The following MX1 variants were observed in gnomAD, a reference collection of about 807,000 sequenced individuals.
The protein encoded by MX1 is MX dynamin like GTPase 1.
A neutral mutation model predicts 66.4 loss-of-function variants in MX1; 66 were observed. The observed-to-expected ratio is 0.99, with a 90% CI of 0.82 to 1.22. MX1 has a LOEUF of 1.22. MX1 is among the 50% of genes most tolerant of loss of function. MX1 has a pLI of 0.00. For missense variants in MX1, 787 were observed against 834.3 expected (o/e 0.94, Z 0.70); for synonymous variants, 311 against 318.1 (o/e 0.98, Z 0.24).
At chr21:41,423,644 G>C (rs571215382), upstream of MX1, among the ~76,000 whole-genome samples, 139 of 152,230 alleles carry the variant, frequency 9.1e-4, no homozygotes, top group African/African-American at 3.3e-3. Context: ...CATCCAGCTC[G>C]TCCCGTCTCT....
At chr21:41,427,473 A>G (rs771369115) in intron 2 of MX1, among the ~76,000 whole-genome samples, 169 bp downstream of exon 2, 2 of 152,240 alleles carry the variant, frequency 1.3e-5, no homozygotes, top group East Asian at 1.9e-4. Context: ...ATGTATACCT[A>G]TGTAACAAAC....
At position 41,441,166 on chromosome 21, in the gene MX1, G is replaced by C; in HGVS notation, c.730+141G>C. The C allele has an allele frequency of 1.6e-6, 2 of 1,240,974 alleles. No individual in the cohort carries two copies. Among genetic ancestry groups the C allele is most frequent in the Non-Finnish European group, 2.2e-6 (2 of 917,658 alleles). The allele number at this position is 1,240,974 out of a possible 1,614,324, so 76.9% of individuals were successfully genotyped here. ...GGTGAGAATGGGGGAGCCCGCCTGT[G>C]CTCGGTGGTCTGCCAGTGGGCAAGC... On this transcript the variant is annotated intron_variant, in intron 9 of 16. Coordinates refer to ENST00000398598, the MANE Select transcript of MX1 (RefSeq NM_002462.5). The surrounding 1 kb of genome is among the most constrained non-coding windows in gnomAD (Gnocchi z 4.0).
intron 13 of MX1, among the ~76,000 whole-genome samples, chr21:41,448,901 A>T (rs944102816): frequency 6.8e-6 from 1 of 147,500 alleles, no homozygotes; most frequent in Non-Finnish European, 1.5e-5. Flanking sequence ...TCCTGAGATG[A>T]CTAAGGAAAA....
chr21:41,450,173 G>T (rs1388628011), intron 14 of MX1, among the ~76,000 whole-genome samples: 1 of 152,200 alleles, frequency 6.6e-6, no homozygotes, highest in Non-Finnish European at 1.5e-5. Flanking sequence ...TCTCCGAGGA[G>T]TAAAGCCAAT....
rs1778749750 is a variant in MX1, at chr21:41,427,865, A to C, written c.-99A>C. On this transcript the variant is annotated splice_region_variant and 5_prime_UTR_variant, in exon 3 of 17. Coordinates refer to ENST00000398598, the MANE Select transcript of MX1 (RefSeq NM_002462.5). ...ACGCCGCCATCCAGCCACCATTCCAAGGTAAGGCAGAAATGAAGTGGGCCG... is the reference window on the plus strand; with the variant it reads ...ACGCCGCCATCCAGCCACCATTCCACGGTAAGGCAGAAATGAAGTGGGCCG... The C allele has an allele frequency of 6.6e-6, 1 of 152,256 alleles. No individual in the cohort carries two copies. The highest frequency in any genetic ancestry group is 2.1e-4 in the South Asian group (1 of 4,824). 9.4% of individuals were successfully genotyped at this position (152,256 alleles called of 1,614,324 possible). A position where few individuals can be genotyped will look rare whatever the true frequency, so the allele number is the denominator to read the frequency against.
upstream of MX1, among the ~76,000 whole-genome samples, chr21:41,424,927 G>A (rs1322992062): frequency 1.3e-5 from 2 of 152,216 alleles, no homozygotes; most frequent in African/African-American, 2.4e-5. Context: ...TACTTAACCC[G>A]TGACAATTCT....
At chr21:41,423,466 A>G (rs778921477), upstream of MX1, among the ~76,000 whole-genome samples, 3 of 152,180 alleles carry the variant, frequency 2.0e-5, no homozygotes, top group South Asian at 2.1e-4. Flanking sequence ...CTCTCAGGCA[A>G]TAGATGATTG....
At chr21:41,432,733 G>A (rs2090255083) in intron 5 of MX1, among the ~76,000 whole-genome samples, 1 of 152,150 alleles carries the variant, frequency 6.6e-6, no homozygotes, top group African/African-American at 2.4e-5. Context: ...GAGAATAATG[G>A]TCTTTGCTTT....
At position 41,452,857 on chromosome 21, in the gene MX1, G is replaced by A. The variant is rs1442573229; in HGVS notation, c.1746G>A (p.Met582Ile). The change falls in exon 16 of 17, where the codon ATG (methionine) becomes ATA (isoleucine). Residue 582 changes from methionine (M) to isoleucine (I), a missense_variant. Transcript: ENST00000398598. ...SSMEEIFQHL[M>I]AYHQEASKRI... ...TGGAGGAGATCTTTCAGCACCTGAT[G>A]GCCTATCACCAGGTACGTCTTCGCG... is the stretch of plus-strand genomic sequence containing the variant. The A allele has an allele frequency of 6.2e-7, 1 of 1,614,154 alleles. No homozygotes were observed. Among genetic ancestry groups the A allele is most frequent in the African/African-American group, 1.3e-5 (1 of 75,052 alleles).
At chr21:41,431,923 A>G in intron 4 of MX1, 127 bp from the exon 5 acceptor site, 1 of 669,358 alleles carries the variant, frequency 1.5e-6, no homozygotes, top group South Asian at 1.8e-5. Context: ...CGCTCTGGGG[A>G]CATCACCATG....
intron 5 of MX1, among the ~76,000 whole-genome samples, chr21:41,432,945 TTTA>T (rs1455787859): frequency 2.6e-5 from 4 of 152,184 alleles, no homozygotes; most frequent in African/African-American, 9.7e-5. Flanking sequence ...GATACCACCG[TTTA>T]CATTTTTCTG....
Position 41,451,212 on chromosome 21 carries a change from A to C in MX1, c.1478A>C (p.Glu493Ala), listed in dbSNP as rs1161913847. The C allele has an allele frequency of 1.2e-6, 2 of 1,613,110 alleles. No individual in the cohort carries two copies. Among genetic ancestry groups the C allele is most frequent in the Non-Finnish European group, 1.7e-6 (2 of 1,179,296 alleles). The change falls in exon 15 of 17, where the codon GAA becomes GCA. Residue 493 changes from glutamate (E) to alanine (A), a missense_variant. Coordinates refer to ENST00000398598, the MANE Select transcript of MX1 (RefSeq NM_002462.5). ...ACAGATGTTTCGATAAAAAATTTTG[A>C]AGAGTTTTTTAACCTCCACAGAACC... is the stretch of plus-strand genomic sequence containing the variant. ...AFTDVSIKNF[E>A]EFFNLHRTAK...
intron 13 of MX1, among the ~76,000 whole-genome samples, chr21:41,446,347 G>A (rs889111320): frequency 1.4e-4 from 22 of 152,182 alleles, no homozygotes; most frequent in Non-Finnish European, 2.1e-4. Flanking sequence ...GATAAGGGAC[G>A]AACAAGCTTC....
chr21:41,446,752 C>G (rs1053766906), intron 13 of MX1, among the ~76,000 whole-genome samples: 1 of 152,160 alleles, frequency 6.6e-6, no homozygotes. Flanking sequence ...TGCTCATAAC[C>G]CAATCCTTCC....
chr21:41,452,530 A>G, intron 15 of MX1, 91 bp from the exon 16 acceptor site: 1 of 1,394,752 alleles, frequency 7.2e-7, no homozygotes. Flanking sequence ...CACGTTGGGT[A>G]ACCTGGTATT....
At chr21:41,456,702 AG>A (rs2090967469) in intron 16 of MX1, among the ~76,000 whole-genome samples, 1 of 152,128 alleles carries the variant, frequency 6.6e-6, no homozygotes, top group Admixed American at 6.6e-5. Context: ...GACCCAGAGA[AG>A]GCCTGCTCCA....
At position 41,431,017 on chromosome 21, in the gene MX1, A is replaced by C. The variant is rs1382479152; in HGVS notation, c.-22+409A>C. On this transcript the variant is annotated intron_variant, in intron 4 of 16. Coordinates refer to ENST00000398598, the MANE Select transcript of MX1 (RefSeq NM_002462.5). ...TATAACAATTTTATTTTTAAATGTAAAGTTTTTGTTTGTTGTTGTTTTTAA... is the reference window on the plus strand; with the variant it reads ...TATAACAATTTTATTTTTAAATGTACAGTTTTTGTTTGTTGTTGTTTTTAA... Among the ~76,000 whole-genome samples the C allele has an allele frequency of 3.9e-4, 60 of 152,110 alleles. 1 individual carries two copies. The highest frequency in any genetic ancestry group is 1.5e-5 in the Non-Finnish European group (1 of 68,026).
intron 10 of MX1, 94 bp downstream of exon 10, chr21:41,442,008 T>C (rs550573240): frequency 1.3e-6 from 1 of 795,182 alleles, no homozygotes; most frequent in African/African-American, 1.8e-5. Context: ...ATGTGTGGAG[T>C]GTGTGTGTGT....
chr21:41,424,393 A>C (rs1198298778), upstream of MX1, among the ~76,000 whole-genome samples: 1 of 151,922 alleles, frequency 6.6e-6, no homozygotes. Flanking sequence ...AGATTTCAGC[A>C]CAGGGAGCTG....
Sources: gnomAD v4.1 joint callset for allele counts (sites outside exome capture counted in the v4.1 genomes callset) on GRCh38, gnomAD v4.1.1 for gene constraint, Gnocchi (gnomAD v3.1) non-coding constraint, MANE v1.5 for transcripts, NCBI Gene and HGNC (gene_info 2026-07-23, HGNC 2026-07-21) for gene names.